NOP16: variants seen among roughly 807,000 people sequenced by gnomAD.
NOP16 encodes nucleolar protein 16.
NOP16 carries 14 observed loss-of-function variants against 22.7 expected under a neutral mutation model. The ratio of observed to expected loss-of-function variants is 0.62; its 90% CI spans 0.41 to 0.97. The LOEUF is 0.97. NOP16 is among the 50% of genes least tolerant of loss of function. The pLI is 0.00. For synonymous variants in NOP16, 80 were observed against 83.6 expected, an observed-to-expected ratio of 0.96 and a Z score of 0.23; for missense variants, 198 against 235.9, an observed-to-expected ratio of 0.84 and a Z score of 1.05.
chr5:176,385,189 C>G (rs1319138760), intron 4 of NOP16, 32 bp downstream of exon 4: 2 of 1,334,746 alleles, frequency 1.5e-6, no homozygotes, highest in East Asian at 4.6e-5. Flanking sequence ...AGGGCGCCTT[C>G]CCAGCCAGCC....
Position 176,388,325 on chromosome 5 carries a change from G to C in NOP16, c.126C>G (p.Ala42=). The part of the protein sequence containing the change: ...PRIECSHIRH[A]WDHAKSVRQN... Reference sequence around the variant, plus strand: ...GCCGTACCGATTTAGCGTGGTCCCAGGCATGTCGGATGTGGGAGCTACCGG... The same window carrying C: ...GCCGTACCGATTTAGCGTGGTCCCACGCATGTCGGATGTGGGAGCTACCGG... The change falls in exon 2 of 5, where the codon GCC becomes GCG. Residue 42 remains alanine, a synonymous_variant. Transcript: ENST00000614830. 2.5e-6 allele frequency: 4 copies of C among 1,614,210 alleles called. No individual in the cohort carries two copies. The highest frequency in any genetic ancestry group is 4.5e-5 in the East Asian group (2 of 44,888).
At chr5:176,386,464 T>C in intron 3 of NOP16, 1 of 353,388 alleles carries the variant, frequency 2.8e-6, no homozygotes, top group South Asian at 2.2e-5. Flanking sequence ...ATAGCCTTAA[T>C]ATACATAAAA....
chr5:176,383,978 T>C lies in NOP16; in HGVS notation c.*253A>G. On this transcript the variant is annotated 3_prime_UTR_variant, in exon 5 of 5. Coordinates refer to ENST00000614830, the MANE Select transcript of NOP16 (RefSeq NM_016391.8). ...TATTTGCTTTATTATGTACACACTATATTTACATCACCCACCCTGAAAACA... is the reference window on the plus strand; with the variant it reads ...TATTTGCTTTATTATGTACACACTACATTTACATCACCCACCCTGAAAACA... The C allele has an allele frequency of 6.5e-7, 1 of 1,531,644 alleles. No individual in the cohort carries two copies. Among genetic ancestry groups the C allele is most frequent in the Non-Finnish European group, 8.7e-7 (1 of 1,145,376 alleles). The allele number at this position is 1,531,644 out of a possible 1,614,324, so 94.9% of individuals were successfully genotyped here. A position where few individuals can be genotyped will look rare whatever the true frequency, so the allele number is the denominator to read the frequency against.
In NOP16 at chr5:176,384,125, G is replaced by C. The variant is rs779280873; in HGVS notation, c.*106C>G. ...GTAACCTTCTGATTCCATGGGACCT[G>C]GCCAGCTCCTCTGGAGCCACACAGC... On this transcript the variant is annotated 3_prime_UTR_variant, in exon 5 of 5. Coordinates refer to ENST00000614830, the MANE Select transcript of NOP16 (RefSeq NM_016391.8). The C allele has an allele frequency of 1.2e-6, 2 of 1,611,170 alleles. No individual in the cohort carries two copies. The highest frequency in any genetic ancestry group is 2.7e-5 in the African/African-American group (2 of 74,888).
chr5:176,388,084 T>G, intron 2 of NOP16, 151 bp downstream of exon 2: 1 of 618,404 alleles, frequency 1.6e-6, no homozygotes. Flanking sequence ...AGACCCTTGC[T>G]CAACGTCAGT....
In NOP16 at chr5:176,384,420, C is replaced by G. The variant is rs771867890; in HGVS notation, c.394-46G>C. On this transcript the variant is annotated intron_variant, in intron 4 of 4. Coordinates refer to ENST00000614830, the MANE Select transcript of NOP16 (RefSeq NM_016391.8). ...TTAAGGAGGGCTAGACAGGCAAAGG[C>G]TCAAATCTGAACTCATCCTGAATTA... 1.9e-6 allele frequency: 3 copies of G among 1,570,116 alleles called. No homozygotes were observed. The East Asian group carries it at 6.7e-5, about 35-fold the overall frequency.
intron 3 of NOP16, among the ~76,000 whole-genome samples, chr5:176,385,773 C>A (rs1345764178): frequency 1.3e-5 from 2 of 152,152 alleles, no homozygotes; most frequent in African/African-American, 4.8e-5. Flanking sequence ...AGATCTAGAG[C>A]TGCCGGGTCT....
In NOP16 at chr5:176,388,133, G is replaced by C. The variant is rs1176841735; in HGVS notation, c.216+102C>G. On this transcript the variant is annotated intron_variant, in intron 2 of 4. Coordinates refer to ENST00000614830, the MANE Select transcript of NOP16 (RefSeq NM_016391.8). ...TGTGGGGAGGTCGAAAACTCGGAAG[G>C]GCCTGAGGGAAGGAATGGGCAGTAC... The C allele has an allele frequency of 4.6e-6, 4 of 865,416 alleles. No individual in the cohort carries two copies. The East Asian group carries it at 1.0e-4, about 22-fold the overall frequency. The allele number at this position is 865,416 out of a possible 1,614,324, so 53.6% of individuals were successfully genotyped here. A position where few individuals can be genotyped will look rare whatever the true frequency, so the allele number is the denominator to read the frequency against.
chr5:176,388,526 T>C lies in NOP16; in HGVS notation c.14A>G (p.Lys5Arg). MPKAKGKTRRQKFGY... is the reference protein window; with the variant it reads MPKARGKTRRQKFGY... ...AAACTTCTGCCTCCGGGTTTTGCCC[T>C]TGGCCTTGGGCATCGCGCTGACCAC... is the stretch of plus-strand genomic sequence containing the variant. The change falls in exon 1 of 5, where the codon AAG becomes AGG. Residue 5 changes from lysine (K) to arginine (R), a missense_variant. Physicochemically the swap from Lys to Arg is conservative, Grantham distance 26. Coordinates refer to ENST00000614830, the MANE Select transcript of NOP16 (RefSeq NM_016391.8). The C allele has an allele frequency of 1.2e-6, 2 of 1,612,386 alleles. No homozygotes were observed. The highest frequency in any genetic ancestry group is 1.7e-6 in the Non-Finnish European group (2 of 1,178,584).
rs768780614 is a variant in NOP16, at chr5:176,388,275, G to A, written c.176C>T (p.Ala59Val). ...GGGCACCGCCCTGTTGGGGTCCACA[G>A]CCAACCCCATCTCGGCCAGGTTCTG... ...VRQNLAEMGL[A>V]VDPNRAVPLR... Residue 59 changes from alanine (A) to valine (V), a missense_variant, in exon 2 of 5, where the codon GCT becomes GTT. Ala to Val is a moderately conservative substitution (Grantham distance 64, BLOSUM62 0). Coordinates refer to ENST00000614830, the MANE Select transcript of NOP16 (RefSeq NM_016391.8). The A allele has an allele frequency of 1.2e-6, 2 of 1,614,162 alleles. No individual in the cohort carries two copies. The highest frequency in any genetic ancestry group is 1.7e-6 in the Non-Finnish European group (2 of 1,179,998).
intron 3 of NOP16, 133 bp downstream of exon 3, chr5:176,386,707 G>T (rs1053271856): frequency 1.2e-6 from 1 of 804,630 alleles, no homozygotes; most frequent in South Asian, 1.4e-5. Flanking sequence ...CTAACTCTGT[G>T]AACTTTGAAC....
chr5:176,388,097 A>G (rs918785862), intron 2 of NOP16, 138 bp downstream of exon 2: 12 of 636,640 alleles, frequency 1.9e-5, no homozygotes, highest in Non-Finnish European at 3.1e-5. Flanking sequence ...ACGTCAGTTG[A>G]GCGTTCTGAC....
At chr5:176,387,022 G>A (rs2113592409) in intron 2 of NOP16, 113 bp from the exon 3 acceptor site, 1 of 833,004 alleles carries the variant, frequency 1.2e-6, no homozygotes, top group Non-Finnish European at 2.0e-6. Context: ...CCACGGTTAG[G>A]TAGAAGTAGG....
intron 4 of NOP16, chr5:176,384,637 T>C: frequency 2.0e-6 from 1 of 491,950 alleles, no homozygotes; most frequent in Non-Finnish European, 3.6e-6. Context: ...AACAATAAAT[T>C]AACCATCCTG....
At chr5:176,385,470 C>T in intron 3 of NOP16, 143 bp from the exon 4 acceptor site, 2 of 619,364 alleles carry the variant, frequency 3.2e-6, no homozygotes, top group Non-Finnish European at 5.8e-6. Flanking sequence ...TCCCCATTCC[C>T]AAATCCATTG....
chr5:176,387,016 G>C (rs952963060), intron 2 of NOP16, 107 bp from the exon 3 acceptor site: 1 of 937,480 alleles, frequency 1.1e-6, no homozygotes, highest in East Asian at 2.4e-5. Context: ...CCCTGCCCAC[G>C]GTTAGGTAGA....
chr5:176,385,130 G>C, intron 4 of NOP16, 91 bp downstream of exon 4: 1 of 792,288 alleles, frequency 1.3e-6, no homozygotes, highest in Non-Finnish European at 2.3e-6. Context: ...CTTTGCACTC[G>C]GTTTCAGGAA....
chr5:176,385,129 C>T lies in NOP16; in HGVS notation c.393+92G>A, dbSNP rs112572961. 150 of 791,190 alleles carry T rather than the reference C, an allele frequency of 1.9e-4. No individual in the cohort carries two copies. The African/African-American group carries it at 2.0e-3, about 11-fold the overall frequency. 49.0% of individuals were successfully genotyped at this position (791,190 alleles called of 1,614,324 possible). On this transcript the variant is annotated intron_variant, in intron 4 of 4. Transcript: ENST00000614830. ...TCTTTTGCCTCCCTTTCTTTGCACT[C>T]GGTTTCAGGAAACAGGTGCTGCGCA...
At chr5:176,386,458 C>T in intron 3 of NOP16, 1 of 350,588 alleles carries the variant, frequency 2.9e-6, no homozygotes, top group Non-Finnish European at 5.6e-6. Context: ...CTCTCTATAG[C>T]CTTAATATAC....
Sources: allele counts gnomAD v4.1 joint callset (sites outside exome capture counted in the v4.1 genomes callset), GRCh38; gene constraint gnomAD v4.1.1; transcripts MANE v1.5; gene names NCBI Gene and HGNC (gene_info 2026-07-23, HGNC 2026-07-21).